Variants in LIN9 observed in about 807,000 individuals in gnomAD.
LIN9 encodes the protein lin-9 DREAM MuvB core complex component.
LIN9 carries 18 observed loss-of-function variants against 78.0 expected under a neutral mutation model. The observed-to-expected ratio is 0.23, with a 90% CI of 0.16 to 0.34. LIN9 has a LOEUF of 0.34. LIN9 is among the 10% of genes least tolerant of loss of function. LIN9 has a pLI of 1.00. For synonymous variants in LIN9, 192 were observed against 215.2 expected, an observed-to-expected ratio of 0.89 and a Z score of 0.94; for missense variants, 451 against 644.1, an observed-to-expected ratio of 0.70 and a Z score of 3.25.
upstream of LIN9, chr1:226,309,292 C>A: frequency 9.3e-7 from 1 of 1,070,804 alleles, no homozygotes. Context: ...GCGGGCCCGG[C>A]TCCGCCCGCG....
At chr1:226,270,091 T>A (rs1472247693) in intron 7 of LIN9, among the ~76,000 whole-genome samples, 1 of 151,710 alleles carries the variant, frequency 6.6e-6, no homozygotes, top group African/African-American at 2.4e-5. Flanking sequence ...CCCGGCTAAT[T>A]TTTTTTTGTA....
intron 14 of LIN9, 197 bp from the exon 15 acceptor site, chr1:226,232,803 C>CG (rs1012114288): frequency 1.4e-5 from 7 of 496,774 alleles, no homozygotes; most frequent in East Asian, 3.3e-5. Flanking sequence ...AAAGGAGCCA[C>CG]GGGGGGCTGG....
chr1:226,234,552 ACTTC>A (rs1421317581), intron 12 of LIN9, among the ~76,000 whole-genome samples: 4 of 152,290 alleles, frequency 2.6e-5, no homozygotes, highest in African/African-American at 4.8e-5. Context: ...GGCACATTTT[ACTTC>A]CTTGGCATAA....
intron 10 of LIN9, among the ~76,000 whole-genome samples, chr1:226,257,111 G>A (rs936606821): frequency 2.6e-5 from 4 of 151,776 alleles, no homozygotes; most frequent in Admixed American, 2.6e-4. Context: ...CACCAGGCCC[G>A]GCTAATTTTT....
At chr1:226,277,734 A>C in intron 7 of LIN9, 41 bp downstream of exon 7, 1 of 1,550,182 alleles carries the variant, frequency 6.5e-7, no homozygotes, top group Non-Finnish European at 8.8e-7. Flanking sequence ...CCTTGATTAA[A>C]AATTACAAGT....
intron 1 of LIN9, among the ~76,000 whole-genome samples, chr1:226,308,404 T>A (rs1030014103): frequency 6.6e-6 from 1 of 152,168 alleles, no homozygotes; most frequent in African/African-American, 2.4e-5. Flanking sequence ...GGTACCTTTA[T>A]GGCTCTTAAG....
At chr1:226,280,917 G>GTGTAT (rs1270210093) in intron 6 of LIN9, among the ~76,000 whole-genome samples, 2 of 152,104 alleles carry the variant, frequency 1.3e-5, no homozygotes, top group Non-Finnish European at 2.9e-5. Context: ...CCATGGTTAG[G>GTGTAT]TGTATATTCA....
At chr1:226,282,651 T>G (rs889932763) in intron 6 of LIN9, among the ~76,000 whole-genome samples, 4 of 152,054 alleles carry the variant, frequency 2.6e-5, no homozygotes, top group Non-Finnish European at 5.9e-5. Context: ...TGAAACTCCG[T>G]CTCTACTAAA....
intron 10 of LIN9, among the ~76,000 whole-genome samples, chr1:226,261,501 G>A (rs1190695838): frequency 6.6e-6 from 1 of 152,010 alleles, no homozygotes; most frequent in African/African-American, 2.4e-5. Context: ...AAACAATTAT[G>A]ATGTGAAATT....
chr1:226,233,070 T>A, intron 14 of LIN9, 26 bp downstream of exon 14: 5 of 1,335,322 alleles, frequency 3.7e-6, no homozygotes, highest in Non-Finnish European at 5.2e-6. Context: ...CACATTAAAA[T>A]GATTAGAGTA....
chr1:226,242,902 A>C (rs1001732919), intron 11 of LIN9, among the ~76,000 whole-genome samples: 1 of 75,638 alleles, frequency 1.3e-5, no homozygotes, highest in Non-Finnish European at 2.7e-5. Flanking sequence ...TTACCTTATG[A>C]TTTTCTTAAC....
At chr1:226,271,963 C>T (rs1660302397) in intron 7 of LIN9, among the ~76,000 whole-genome samples, 2 of 150,916 alleles carry the variant, frequency 1.3e-5, no homozygotes. Context: ...TGCTTTCAAC[C>T]TGTCTATGAT....
upstream of LIN9, chr1:226,309,231 G>C (rs779621480): frequency 7.1e-7 from 1 of 1,414,206 alleles, no homozygotes; most frequent in South Asian, 1.5e-5. Context: ...CGAATGCGGA[G>C]CTCGCTGCCC....
upstream of LIN9, chr1:226,309,679 A>G: frequency 7.8e-7 from 1 of 1,282,908 alleles, no homozygotes; most frequent in East Asian, 5.7e-5. Flanking sequence ...TTTTCCCGAG[A>G]CCGCCGGCCG....
chr1:226,234,298 T>TG (rs1657543632), intron 12 of LIN9, among the ~76,000 whole-genome samples: 1 of 152,224 alleles, frequency 6.6e-6, no homozygotes, highest in African/African-American at 2.4e-5. Flanking sequence ...ACTATGATGG[T>TG]TGCAAAATGG....
chr1:226,257,239 C>G (rs1038421069), intron 10 of LIN9, among the ~76,000 whole-genome samples: 2 of 152,256 alleles, frequency 1.3e-5, no homozygotes, highest in African/African-American at 4.8e-5. Context: ...CGTGAGCCAC[C>G]ACACCTGGCC....
rs1215009349 is a variant in LIN9, at chr1:226,245,770, G to T, written c.1119+5069C>A. ...GTGCCACCACGCCTGGCTAATTTTT[G>T]TATTTTTACTAGAAACGGGGTTTGG... On this transcript the variant is annotated intron_variant, in intron 11 of 14. Transcript: ENST00000681046. Among the ~76,000 whole-genome samples, 3 of 151,862 alleles carry T rather than the reference G, an allele frequency of 2.0e-5. No homozygotes were observed. In the East Asian group the frequency reaches 5.8e-4, roughly 29 times the overall value.
chr1:226,232,513 G>A lies in LIN9; in HGVS notation c.1617C>T (p.Thr539=), dbSNP rs766155025. The A allele has an allele frequency of 6.2e-7, 1 of 1,605,422 alleles. No individual in the cohort carries two copies. The highest frequency in any genetic ancestry group is 8.5e-7 in the Non-Finnish European group (1 of 1,173,100). The part of the protein sequence containing the change: ...GNLHAFAANN[T]NRD ...ATGAAATCTTTACTCAGTCTCTGTT[G>A]GTGTTATTTGCTGCAAAGGCATGTA... The change falls in exon 15 of 15, where the codon ACC becomes ACT. Residue 539 remains threonine, a synonymous_variant. Transcript: ENST00000681046.
Position 226,232,460 on chromosome 1 carries a change from A to C in LIN9, c.*41T>G. 1 of 1,359,500 alleles carries C rather than the reference A, an allele frequency of 7.4e-7. No individual in the cohort carries two copies. Among genetic ancestry groups the C allele is most frequent in the East Asian group, 2.3e-5 (1 of 43,238 alleles). The allele number at this position is 1,359,500 out of a possible 1,614,324, so 84.2% of individuals were successfully genotyped here. A position where few individuals can be genotyped will look rare whatever the true frequency, so the allele number is the denominator to read the frequency against. ...CCTATATAAAGGAAAAGAACTTCTC[A>C]AAAACAATGTCCCGTGCAGTTGGAA... On this transcript the variant is annotated 3_prime_UTR_variant, in exon 15 of 15. Transcript: ENST00000681046.
Sources: gnomAD v4.1 joint callset for allele counts (sites outside exome capture counted in the v4.1 genomes callset) on GRCh38, gnomAD v4.1.1 for gene constraint, MANE v1.5 for transcripts, NCBI Gene and HGNC (gene_info 2026-07-23, HGNC 2026-07-21) for gene names.